CDH20: variants seen among roughly 807,000 people sequenced by gnomAD.
The protein encoded by CDH20 is cadherin 20.
In CDH20, 29 loss-of-function variants were observed where a neutral mutation model predicts 74.2. The observed-to-expected ratio is 0.39, with a 90% confidence interval of 0.29 to 0.53. The LOEUF is 0.53. Among genes scored for constraint, CDH20 ranks in the 20% least tolerant of loss-of-function variants. The probability of loss-of-function intolerance (pLI) is 0.69; values close to 1 mark genes in which losing one functional copy is unlikely to be tolerated. For missense variants in CDH20, 988 were observed against 1,048.3 expected, an observed-to-expected ratio of 0.94 and a Z score of 0.79; for synonymous variants, 469 against 405.4, an observed-to-expected ratio of 1.16 and a Z score of -1.88.
At chr18:61,409,178 A>G (rs555821992) in intron 1 of CDH20, among the ~76,000 whole-genome samples, 2 of 152,314 alleles carry the variant, frequency 1.3e-5, no homozygotes, top group South Asian at 4.1e-4. Context: ...TTGCTTAGAA[A>G]TGTTTTCATT....
intron 2 of CDH20, 112 bp from the exon 3 acceptor site, chr18:61,499,074 A>G: frequency 1.2e-6 from 1 of 802,274 alleles, no homozygotes; most frequent in Non-Finnish European, 1.9e-6. Context: ...TAAACATTTG[A>G]AAAATCTCCT....
Position 61,357,976 on chromosome 18 carries a change from T to C in CDH20, c.-153+24149T>C, listed in dbSNP as rs114811380. 5.0e-3 allele frequency among the ~76,000 whole-genome samples: 759 copies of C among 152,302 alleles called. 7 individuals carry two copies. The highest frequency in any genetic ancestry group is 0.017 in the African/African-American group (704 of 41,572). ...CCTAGACTTCTCTTCCCCGAACTGC[T>C]GCATGGTTCATGTCTATGCACCATT... On this transcript the variant is annotated intron_variant, in intron 1 of 11. Coordinates refer to ENST00000262717, the MANE Select transcript of CDH20 (RefSeq NM_031891.4).
At chr18:61,416,586 G>A (rs1358722730) in intron 1 of CDH20, among the ~76,000 whole-genome samples, 3 of 152,204 alleles carry the variant, frequency 2.0e-5, no homozygotes, top group South Asian at 4.1e-4. Context: ...TATATGACAG[G>A]CAAGAAGGAA....
At chr18:61,527,373 A>AGATAGATAGAT (rs1555683357) in intron 6 of CDH20, among the ~76,000 whole-genome samples, 2 of 123,918 alleles carry the variant, frequency 1.6e-5, no homozygotes, top group African/African-American at 5.6e-5. Context: ...TCTAATAGAT[A>AGATAGATAGAT]GATAGATAGA....
At chr18:61,472,994 A>C (rs79370328) in intron 1 of CDH20, among the ~76,000 whole-genome samples, 7,688 of 152,336 alleles carry the variant, frequency 0.05, 199 homozygotes, top group Middle Eastern at 0.092. Context: ...TTGCAGGAGC[A>C]AAAGATTTTT....
chr18:61,473,342 C>G (rs1293239468), intron 1 of CDH20, among the ~76,000 whole-genome samples: 3 of 152,184 alleles, frequency 2.0e-5, no homozygotes, highest in African/African-American at 4.8e-5. Context: ...CTTTAACCTT[C>G]ATTTACTTTT....
intron 1 of CDH20, among the ~76,000 whole-genome samples, chr18:61,447,226 G>A (rs990346315): frequency 1.3e-5 from 2 of 152,226 alleles, no homozygotes; most frequent in East Asian, 3.8e-4. Context: ...TATTGATGAT[G>A]AGATGCCTGT....
At chr18:61,539,576 C>T (rs554798199) in intron 9 of CDH20, among the ~76,000 whole-genome samples, 19 of 152,162 alleles carry the variant, frequency 1.2e-4, no homozygotes, top group Non-Finnish European at 2.5e-4. Context: ...TGTGTAGCAC[C>T]CATGGCAGTA....
chr18:61,425,683 T>C (rs1453519827), intron 1 of CDH20, among the ~76,000 whole-genome samples: 4 of 152,102 alleles, frequency 2.6e-5, no homozygotes, highest in Non-Finnish European at 5.9e-5. Flanking sequence ...AATTATATAA[T>C]GGACTTAGGG....
intron 1 of CDH20, among the ~76,000 whole-genome samples, chr18:61,484,340 A>G (rs1455447505): frequency 1.3e-5 from 2 of 152,216 alleles, no homozygotes; most frequent in African/African-American, 4.8e-5. Flanking sequence ...AGCTTGATTA[A>G]AAGTGAAAAC....
chr18:61,360,154 G>T (rs1031500839), intron 1 of CDH20, among the ~76,000 whole-genome samples: 3 of 152,048 alleles, frequency 2.0e-5, no homozygotes, highest in African/African-American at 7.2e-5. Context: ...ATATTCAATG[G>T]GTTACTGTGG....
At chr18:61,493,708 A>T (rs1160779928) in intron 2 of CDH20, among the ~76,000 whole-genome samples, 10 of 152,246 alleles carry the variant, frequency 6.6e-5, no homozygotes, top group Non-Finnish European at 8.8e-5. Flanking sequence ...TCATGAACAT[A>T]TCTTGTATCT....
In CDH20 at chr18:61,555,327, A is replaced by C; in HGVS notation, c.*632A>C. 2.0e-6 allele frequency: 2 copies of C among 985,578 alleles called. No individual in the cohort carries two copies. The highest frequency in any genetic ancestry group is 2.4e-6 in the Non-Finnish European group (2 of 830,070). 61.1% of individuals were successfully genotyped at this position (985,578 alleles called of 1,614,324 possible). ...GGAAGAGACATTGACTTTATGCTCA[A>C]GTTTAGTGGCTGAACCAAGAGATGT... On this transcript the variant is annotated 3_prime_UTR_variant, in exon 12 of 12. Transcript: ENST00000262717.
At chr18:61,538,606 T>G (rs1437338251) in intron 8 of CDH20, among the ~76,000 whole-genome samples, 1 of 44,450 alleles carries the variant, frequency 2.2e-5, no homozygotes, top group African/African-American at 7.7e-5. Context: ...GTTTTTGTTT[T>G]TGTTTTTGTT....
chr18:61,410,302 C>A (rs1277627101), intron 1 of CDH20, among the ~76,000 whole-genome samples: 1 of 152,068 alleles, frequency 6.6e-6, no homozygotes, highest in Admixed American at 6.6e-5. Context: ...GCTCATCTAT[C>A]CTAGTAATCA....
At chr18:61,414,178 C>G (rs995802177) in intron 1 of CDH20, among the ~76,000 whole-genome samples, 2 of 151,942 alleles carry the variant, frequency 1.3e-5, no homozygotes, top group Non-Finnish European at 2.9e-5. Context: ...CTATAGATAG[C>G]AAGAGATGAA....
intron 1 of CDH20, among the ~76,000 whole-genome samples, chr18:61,429,778 A>T (rs1031042043): frequency 6.6e-6 from 1 of 152,192 alleles, no homozygotes; most frequent in Non-Finnish European, 1.5e-5. Context: ...TGCTTTGAGG[A>T]GTTCACTTGA....
chr18:61,411,657 G>A (rs895352078), intron 1 of CDH20, among the ~76,000 whole-genome samples: 3 of 126,890 alleles, frequency 2.4e-5, no homozygotes, highest in Non-Finnish European at 5.2e-5. Flanking sequence ...ACACACACAC[G>A]CTATGGAACA....
At position 61,437,303 on chromosome 18, in the gene CDH20, C is replaced by T. The variant is rs192189114; in HGVS notation, c.-152-53099C>T. Among the ~76,000 whole-genome samples, 412 of 152,272 alleles carry T rather than the reference C, an allele frequency of 2.7e-3. 1 individual carries two copies. Among genetic ancestry groups the T allele is most frequent in the African/African-American group, 9.4e-3 (392 of 41,556 alleles). The stretch of plus-strand genomic sequence containing the variant: ...GGTTCATGTCCACAGTCTCTCAGCT[C>T]TTTGAGCCAAGCAAATGTAATTTGT... On this transcript the variant is annotated intron_variant, in intron 1 of 11. Coordinates refer to ENST00000262717, the MANE Select transcript of CDH20 (RefSeq NM_031891.4).
Sources: allele counts gnomAD v4.1 joint callset (sites outside exome capture counted in the v4.1 genomes callset), GRCh38; gene constraint gnomAD v4.1.1; transcripts MANE v1.5; gene names NCBI Gene and HGNC (gene_info 2026-07-23, HGNC 2026-07-21).